The following PTPN14 variants were observed in gnomAD, a reference collection of about 807,000 sequenced individuals.
PTPN14 encodes protein tyrosine phosphatase non-receptor type 14.
Under a neutral mutation model 126.8 loss-of-function variants are expected in PTPN14, and 53 were observed. That is an observed-to-expected ratio of 0.42 (90% confidence interval 0.34 to 0.53). The LOEUF is 0.53. PTPN14 is among the 20% of genes least tolerant of loss of function. The probability of loss-of-function intolerance (pLI) is 0.08; values close to 1 mark genes in which losing one functional copy is unlikely to be tolerated. For synonymous variants in PTPN14, 630 were observed against 599.3 expected, an observed-to-expected ratio of 1.05 and a Z score of -0.75; for missense variants, 1,257 against 1,552.9, an observed-to-expected ratio of 0.81 and a Z score of 3.20.
chr1:214,464,326 G>C (rs902647603), intron 2 of PTPN14, among the ~76,000 whole-genome samples: 1 of 151,466 alleles, frequency 6.6e-6, no homozygotes, highest in Admixed American at 6.6e-5. Context: ...GTTTTAAAGA[G>C]AGAAGATGAC....
chr1:214,466,425 T>C (rs1201838435), intron 1 of PTPN14, among the ~76,000 whole-genome samples: 1 of 152,224 alleles, frequency 6.6e-6, no homozygotes, highest in African/African-American at 2.4e-5. Context: ...AAAAGTCCTG[T>C]AACCAAATCA....
intron 1 of PTPN14, among the ~76,000 whole-genome samples, chr1:214,543,040 G>A (rs541839325): frequency 5.3e-5 from 8 of 152,320 alleles, no homozygotes; most frequent in African/African-American, 1.2e-4. Context: ...TCTTGGATAT[G>A]CGTGAGCTGG....
chr1:214,461,356 A>G (rs7518513), intron 2 of PTPN14, among the ~76,000 whole-genome samples: 126,074 of 152,100 alleles, frequency 0.83, 52,362 homozygotes, highest in African/African-American at 0.89. Flanking sequence ...TATTACCCTG[A>G]GCACAGTGTC....
At chr1:214,400,006 G>C (rs1658978740) in intron 7 of PTPN14, among the ~76,000 whole-genome samples, 1 of 150,004 alleles carries the variant, frequency 6.7e-6, no homozygotes, top group African/African-American at 2.5e-5. Flanking sequence ...TGAGCAGGGG[G>C]TTCTTCTTCC....
rs1185365694 is a variant in PTPN14 at position 214,383,920 on chromosome 1, C to A, written c.1935G>T (p.Val645=). The A allele has an allele frequency of 6.2e-7, 1 of 1,613,480 alleles. No homozygotes were observed. Among genetic ancestry groups the A allele is most frequent in the South Asian group, 1.1e-5 (1 of 91,076 alleles). ...GTVNKRHSLE[V]MNSMVRGMEA... ...CCATGCCCCGCACCATGCTGTTCAT[C>A]ACCTCCAGGCTGTGGCGCTTGTTCA... Residue 645 remains valine (V), a synonymous_variant, in exon 13 of 19, where the codon GTG becomes GTT. Coordinates refer to ENST00000366956, the MANE Select transcript of PTPN14 (RefSeq NM_005401.5). The surrounding 1 kb of genome is among the most constrained non-coding windows in gnomAD (Gnocchi z 4.4).
chr1:214,350,309 T>C lies in PTPN14; in HGVS notation c.*7613A>G, dbSNP rs1279634266. On this transcript the variant is annotated 3_prime_UTR_variant, in exon 19 of 19. Coordinates refer to ENST00000366956, the MANE Select transcript of PTPN14 (RefSeq NM_005401.5). ...GGGAGAAGCTAGAAACAAATGGGTCTTCCTATACATCAGTCTGCCAAATGC... is the reference window on the plus strand; with the variant it reads ...GGGAGAAGCTAGAAACAAATGGGTCCTCCTATACATCAGTCTGCCAAATGC... The C allele has an allele frequency of 6.6e-6, 1 of 152,188 alleles. No individual in the cohort carries two copies. Among genetic ancestry groups the C allele is most frequent in the Non-Finnish European group, 1.5e-5 (1 of 68,044 alleles). The allele number at this position is 152,188 out of a possible 1,614,324, so 9.4% of individuals were successfully genotyped here. A position where few individuals can be genotyped will look rare whatever the true frequency, so the allele number is the denominator to read the frequency against.
chr1:214,501,377 C>T (rs999133061), intron 1 of PTPN14, among the ~76,000 whole-genome samples: 1 of 152,088 alleles, frequency 6.6e-6, no homozygotes, highest in Non-Finnish European at 1.5e-5. Context: ...GTGGCTGGGA[C>T]TACAGGTGCC....
At chr1:214,369,977 G>A (rs879678532) in intron 16 of PTPN14, among the ~76,000 whole-genome samples, 9 of 152,320 alleles carry the variant, frequency 5.9e-5, no homozygotes, top group South Asian at 2.1e-4. Context: ...AACAAGCTTC[G>A]TGCATTCAAG....
rs775425639 is a variant in PTPN14, at chr1:214,397,964, A to T, written c.707T>A (p.Phe236Tyr). ...HGNCVHLGIF[F>Y]MGIFVRNRIG... is the part of the protein sequence containing the mutation. ...TCTGTTCCTCACGAAAATCCCCATA[A>T]AGAAAATGCCAAGGTGTACACAGTT... Residue 236 changes from phenylalanine to tyrosine, a missense_variant, in exon 8 of 19, where the codon TTT (phenylalanine) becomes TAT (tyrosine). Phe to Tyr is a conservative substitution (Grantham distance 22). Transcript: ENST00000366956. 6.8e-6 allele frequency: 11 copies of T among 1,613,026 alleles called. No homozygotes were observed. Among genetic ancestry groups the T allele is most frequent in the Non-Finnish European group, 9.3e-6 (11 of 1,179,110 alleles).
At chr1:214,424,521 C>T (rs542881919) in intron 3 of PTPN14, among the ~76,000 whole-genome samples, 1 of 151,356 alleles carries the variant, frequency 6.6e-6, no homozygotes, top group East Asian at 2.0e-4. Flanking sequence ...GTGGGACACC[C>T]CACTTTCTTT....
chr1:214,532,731 G>C, intron 1 of PTPN14: 1 of 785,456 alleles, frequency 1.3e-6, no homozygotes. Context: ...AGCATTACGG[G>C]CTCTGCAAGG....
At chr1:214,540,831 T>C (rs990941053) in intron 1 of PTPN14, among the ~76,000 whole-genome samples, 5 of 152,318 alleles carry the variant, frequency 3.3e-5, no homozygotes, top group East Asian at 1.9e-4. Context: ...AGGAAATCCA[T>C]GTGTAAATCC....
At chr1:214,535,891 T>C (rs2102476959) in intron 1 of PTPN14, among the ~76,000 whole-genome samples, 1 of 152,304 alleles carries the variant, frequency 6.6e-6, no homozygotes, top group African/African-American at 2.4e-5. Context: ...GTGTTACCAC[T>C]GAATTTATCT....
At chr1:214,520,670 C>T (rs909175649) in intron 1 of PTPN14, among the ~76,000 whole-genome samples, 1 of 152,094 alleles carries the variant, frequency 6.6e-6, no homozygotes, top group Non-Finnish European at 1.5e-5. Context: ...AATCTACAGG[C>T]CCCCCTCCAG....
intron 1 of PTPN14, among the ~76,000 whole-genome samples, chr1:214,509,433 G>A (rs1158710213): frequency 6.6e-6 from 1 of 152,224 alleles, no homozygotes; most frequent in Non-Finnish European, 1.5e-5. Flanking sequence ...CAGAATTGAA[G>A]AGAGTTAGGG....
At chr1:214,458,734 T>C (rs906278828) in intron 2 of PTPN14, among the ~76,000 whole-genome samples, 12 of 152,174 alleles carry the variant, frequency 7.9e-5, no homozygotes, top group Non-Finnish European at 1.2e-4. Flanking sequence ...TACTTCTTTT[T>C]TAAACCGTGA....
In PTPN14 at chr1:214,495,929, G is replaced by A. The variant is rs540431042; in HGVS notation, c.-154-30972C>T. On this transcript the variant is annotated intron_variant, in intron 1 of 18. Coordinates refer to ENST00000366956, the MANE Select transcript of PTPN14 (RefSeq NM_005401.5). ...GGCTGGTCTCGAACTCCCGACCTCT[G>A]GTGATCCGCCCTGCCTCGGCCTCCC... 2.6e-5 allele frequency among the ~76,000 whole-genome samples: 4 copies of A among 151,986 alleles called. No individual in the cohort carries two copies. In the East Asian group the frequency reaches 5.8e-4, roughly 22 times the overall value.
At chr1:214,448,276 G>A (rs1242460942) in intron 3 of PTPN14, among the ~76,000 whole-genome samples, 2 of 152,178 alleles carry the variant, frequency 1.3e-5, no homozygotes, top group African/African-American at 4.8e-5. Context: ...TGTCGCCCAG[G>A]CTGGAGTGCA....
At chr1:214,520,709 A>G (rs922277278) in intron 1 of PTPN14, among the ~76,000 whole-genome samples, 5 of 152,118 alleles carry the variant, frequency 3.3e-5, no homozygotes, top group South Asian at 2.1e-4. Flanking sequence ...TGCATGCACC[A>G]TATACTTTCC....
Sources: gnomAD v4.1 joint callset for allele counts (sites outside exome capture counted in the v4.1 genomes callset) on GRCh38, gnomAD v4.1.1 for gene constraint, Gnocchi (gnomAD v3.1) non-coding constraint, MANE v1.5 for transcripts, NCBI Gene and HGNC (gene_info 2026-07-23, HGNC 2026-07-21) for gene names.